The following ABL2 variants were observed in gnomAD, a reference collection of about 807,000 sequenced individuals.
ABL2 encodes the protein ABL proto-oncogene 2, non-receptor tyrosine kinase.
A neutral mutation model predicts 107.7 loss-of-function variants in ABL2; 49 were observed. The observed-to-expected ratio is 0.45, with a 90% CI of 0.36 to 0.58. The LOEUF (loss-of-function observed/expected upper bound fraction) is 0.58. Among genes scored for constraint, ABL2 ranks in the 20% least tolerant of loss-of-function variants. The pLI is 0.00. For synonymous variants in ABL2, 549 were observed against 548.6 expected (o/e 1.00, Z -0.01); for missense variants, 1,245 against 1,457.0 (o/e 0.85, Z 2.37).
chr1:179,157,133 G>A (rs1658746297), intron 1 of ABL2, among the ~76,000 whole-genome samples: 1 of 152,168 alleles, frequency 6.6e-6, no homozygotes, highest in East Asian at 1.9e-4. Flanking sequence ...TCCAAAATCT[G>A]AAACTTTCTG....
At chr1:179,110,869 G>A (rs756495147) in intron 10 of ABL2, 4 of 1,612,798 alleles carry the variant, frequency 2.5e-6, no homozygotes, top group African/African-American at 1.3e-5. Flanking sequence ...GGGTATACGT[G>A]TATTCAGGTT....
chr1:179,114,149 G>A (rs1009817864), intron 9 of ABL2, among the ~76,000 whole-genome samples: 3 of 152,188 alleles, frequency 2.0e-5, no homozygotes, highest in Non-Finnish European at 2.9e-5. Flanking sequence ...CAGCAACTTG[G>A]GAGGCTGAGG....
rs1387570545 is a variant in ABL2, at chr1:179,109,311, G to A, written c.1956C>T (p.Phe652=). The change falls in exon 12 of 12, where the codon TTC becomes TTT. Residue 652 remains phenylalanine, a synonymous_variant. Coordinates refer to ENST00000502732, the MANE Select transcript of ABL2 (RefSeq NM_007314.4). ...TCFTRDRKGG[F]FSSFMKKRNA... is the part of the protein sequence containing the mutation. ...TTCTCTTCTTCATGAAGGAGCTGAA[G>A]AAGCCCCCCTTCCTATCCCTGGTGA... 6.2e-7 allele frequency: 1 copy of A among 1,614,078 alleles called. No homozygotes were observed. Among genetic ancestry groups the A allele is most frequent in the East Asian group, 2.2e-5 (1 of 44,876 alleles).
intron 1 of ABL2, among the ~76,000 whole-genome samples, chr1:179,136,959 A>G (rs916252437): frequency 6.6e-6 from 1 of 151,030 alleles, no homozygotes; most frequent in African/African-American, 2.4e-5. Flanking sequence ...CATGATATAC[A>G]CACAGAAATT....
rs548270828 is a variant in ABL2 at position 179,118,330 on chromosome 1, T to C, written c.1223+257A>G. On this transcript the variant is annotated intron_variant, in intron 7 of 11. Transcript: ENST00000502732. Reference sequence around the variant, plus strand: ...TAGTTTGAGACCAGCCTGGTCAACATAGCAAGACCCCATCACTATTGCAAT... The same window carrying C: ...TAGTTTGAGACCAGCCTGGTCAACACAGCAAGACCCCATCACTATTGCAAT... Among the ~76,000 whole-genome samples the C allele has an allele frequency of 3.0e-3, 453 of 152,250 alleles. 2 individuals carry two copies. Among genetic ancestry groups the C allele is most frequent in the Admixed American group, 3.8e-3 (58 of 15,288 alleles).
intron 1 of ABL2, among the ~76,000 whole-genome samples, chr1:179,222,378 C>T (rs1275086157): frequency 2.0e-5 from 3 of 151,912 alleles, no homozygotes; most frequent in African/African-American, 7.3e-5. Flanking sequence ...TACAGGTGCC[C>T]GCCACCATGC....
intron 1 of ABL2, among the ~76,000 whole-genome samples, chr1:179,163,385 G>A (rs896089709): frequency 6.6e-6 from 1 of 152,134 alleles, no homozygotes; most frequent in Non-Finnish European, 1.5e-5. Context: ...TATTTACACT[G>A]GAAAAATGGA....
At chr1:179,168,531 A>C (rs974637109) in intron 1 of ABL2, among the ~76,000 whole-genome samples, 1 of 152,194 alleles carries the variant, frequency 6.6e-6, no homozygotes, top group African/African-American at 2.4e-5. Flanking sequence ...TAGAATTAGC[A>C]CTTTTTAAAA....
intron 1 of ABL2, among the ~76,000 whole-genome samples, chr1:179,183,189 T>C (rs1278598083): frequency 1.3e-5 from 2 of 151,902 alleles, no homozygotes; most frequent in Non-Finnish European, 2.9e-5. Flanking sequence ...TGTGTACACA[T>C]GGACACAGAG....
intron 1 of ABL2, among the ~76,000 whole-genome samples, chr1:179,135,813 C>T (rs560670408): frequency 1.2e-4 from 18 of 145,430 alleles, no homozygotes; most frequent in African/African-American, 4.3e-4. Context: ...CCGCCCCGTC[C>T]GGGAGGGAGG....
chr1:179,159,152 A>C (rs1374972614), intron 1 of ABL2, among the ~76,000 whole-genome samples: 1 of 152,206 alleles, frequency 6.6e-6, no homozygotes, highest in African/African-American at 2.4e-5. Context: ...CCTCATCTAA[A>C]AGTGAACAGT....
intron 1 of ABL2, chr1:179,184,172 C>A: frequency 2.3e-6 from 1 of 428,620 alleles, no homozygotes; most frequent in Non-Finnish European, 4.4e-6. Flanking sequence ...GGGAGGAGGA[C>A]AAAGACGCAC....
At chr1:179,180,617 A>AT (rs1660322876) in intron 1 of ABL2, among the ~76,000 whole-genome samples, 1 of 152,234 alleles carries the variant, frequency 6.6e-6, no homozygotes, top group African/African-American at 2.4e-5. Flanking sequence ...GCCAAGGTGC[A>AT]TAAGGGTCAC....
intron 1 of ABL2, among the ~76,000 whole-genome samples, chr1:179,166,768 C>G (rs894336713): frequency 8.0e-6 from 1 of 125,532 alleles, no homozygotes; most frequent in African/African-American, 2.8e-5. Context: ...CAGAACAAGA[C>G]TTCATCTCAA....
chr1:179,173,758 C>T (rs570118573), intron 1 of ABL2, among the ~76,000 whole-genome samples: 14 of 152,168 alleles, frequency 9.2e-5, no homozygotes, highest in African/African-American at 2.9e-4. Context: ...CTTAAGATAA[C>T]GGATCAATTC....
At chr1:179,168,573 A>G (rs758452966) in intron 1 of ABL2, among the ~76,000 whole-genome samples, 1 of 152,198 alleles carries the variant, frequency 6.6e-6, no homozygotes, top group East Asian at 1.9e-4. Context: ...GATGTCACCC[A>G]AAGCTCTTAG....
chr1:179,186,926 G>A (rs916013252), intron 1 of ABL2, among the ~76,000 whole-genome samples: 8 of 151,882 alleles, frequency 5.3e-5, no homozygotes, highest in Admixed American at 6.6e-5. Context: ...TAGTAGACAC[G>A]GGGTTATGTC....
chr1:179,133,423 T>C (rs771235965), intron 1 of ABL2, 49 bp from the exon 2 acceptor site: 92 of 1,613,662 alleles, frequency 5.7e-5, no homozygotes, highest in Non-Finnish European at 7.6e-5. Flanking sequence ...GCTTCTTCAA[T>C]AGTTTAACAT....
chr1:179,129,363 T>C (rs1176844393), intron 3 of ABL2, among the ~76,000 whole-genome samples: 1 of 152,196 alleles, frequency 6.6e-6, no homozygotes, highest in Non-Finnish European at 1.5e-5. Context: ...ATCAAGTATA[T>C]TGTAGTCCAA....
Sources: allele counts gnomAD v4.1 joint callset (sites outside exome capture counted in the v4.1 genomes callset), GRCh38; gene constraint gnomAD v4.1.1; transcripts MANE v1.5; gene names NCBI Gene and HGNC (gene_info 2026-07-23, HGNC 2026-07-21).